AATF: variants seen among roughly 807,000 people sequenced by gnomAD.
The protein encoded by AATF is protein AATF.
Under a neutral mutation model 63.7 loss-of-function variants are expected in AATF, and 48 were observed. That is an observed-to-expected ratio of 0.75 (90% CI 0.60 to 0.96). AATF has a LOEUF of 0.96. Ranked by LOEUF, AATF falls within the 40% of genes least tolerant of loss-of-function variation. The pLI is 0.00. For synonymous variants in AATF, 258 were observed against 247.7 expected (o/e 1.04, Z -0.39); for missense variants, 639 against 685.7 (o/e 0.93, Z 0.76).
At chr17:36,983,048 A>G (rs2071139334) in intron 4 of AATF, among the ~76,000 whole-genome samples, 1 of 151,778 alleles carries the variant, frequency 6.6e-6, no homozygotes, top group Admixed American at 6.6e-5. Context: ...ATTTTTAAAA[A>G]TTTTATTGTT....
chr17:36,957,685 A>G (rs2070913056), intron 4 of AATF, among the ~76,000 whole-genome samples: 1 of 152,012 alleles, frequency 6.6e-6, no homozygotes, highest in South Asian at 2.1e-4. Flanking sequence ...GGGTTCTCCT[A>G]CCTTTCTGAT....
At chr17:36,990,961 C>G (rs1033031036) in intron 8 of AATF, 104 bp downstream of exon 8, 4 of 778,950 alleles carry the variant, frequency 5.1e-6, no homozygotes, top group Non-Finnish European at 6.0e-6. Context: ...AGGATAGAGT[C>G]AGACAGTGAG....
chr17:37,018,925 C>A, intron 8 of AATF, 80 bp from the exon 9 acceptor site: 1 of 1,172,090 alleles, frequency 8.5e-7, no homozygotes, highest in Non-Finnish European at 1.3e-6. Context: ...CTATGCCATT[C>A]AGAATTCCTT....
At position 37,047,467 on chromosome 17, in the gene AATF, C is replaced by T. The variant is rs1216261114; in HGVS notation, c.1620-9134C>T. ...CACAAGTGAGAAGAAAACCTGTCCACGTGCAGTCCCCTTCTCGCCCCCATC... is the reference window on the plus strand; with the variant it reads ...CACAAGTGAGAAGAAAACCTGTCCATGTGCAGTCCCCTTCTCGCCCCCATC... On this transcript the variant is annotated intron_variant, in intron 11 of 11. Transcript: ENST00000619387. 4.6e-5 allele frequency among the ~76,000 whole-genome samples: 7 copies of T among 152,196 alleles called. No homozygotes were observed. In the South Asian group the frequency reaches 8.3e-4, roughly 18 times the overall value.
intron 2 of AATF, 53 bp from the exon 3 acceptor site, chr17:36,952,833 T>G: frequency 1.3e-6 from 2 of 1,571,078 alleles, no homozygotes; most frequent in Non-Finnish European, 8.6e-7. Context: ...TATGGCTTGG[T>G]ATTTTCTCCA....
chr17:37,020,053 A>AGCT, intron 9 of AATF, among the ~76,000 whole-genome samples: 1 of 152,018 alleles, frequency 6.6e-6, no homozygotes, highest in East Asian at 1.9e-4. Context: ...TAGGATGACT[A>AGCT]GCTGCTGCTG....
intron 11 of AATF, among the ~76,000 whole-genome samples, chr17:37,039,693 G>C (rs539303807): frequency 6.6e-6 from 1 of 152,320 alleles, no homozygotes; most frequent in South Asian, 2.1e-4. Flanking sequence ...TCTTTCGCCA[G>C]TAATGTCAGA....
intron 10 of AATF, among the ~76,000 whole-genome samples, chr17:37,029,934 C>A (rs1290276518): frequency 6.6e-6 from 1 of 152,122 alleles, no homozygotes; most frequent in African/African-American, 2.4e-5. Context: ...AACTCCTGGG[C>A]TCAGGTGATC....
intron 8 of AATF, among the ~76,000 whole-genome samples, chr17:37,000,843 A>C (rs972369051): frequency 3.9e-5 from 6 of 152,160 alleles, no homozygotes; most frequent in African/African-American, 1.4e-4. Flanking sequence ...CATGTAAAGA[A>C]AGTGTTTCAA....
At chr17:37,001,348 G>A (rs1377496475) in intron 8 of AATF, among the ~76,000 whole-genome samples, 8 of 144,588 alleles carry the variant, frequency 5.5e-5, no homozygotes, top group Admixed American at 4.9e-4. Context: ...AGAGAGGGAG[G>A]GAGGAAGGAG....
intron 8 of AATF, among the ~76,000 whole-genome samples, chr17:37,011,295 A>C (rs773985442): frequency 1.1e-4 from 16 of 152,316 alleles, no homozygotes; most frequent in Admixed American, 5.9e-4. Context: ...GAATTGCTTG[A>C]AACCGGGAGG....
chr17:36,950,521 C>T, intron 2 of AATF, 116 bp downstream of exon 2: 1 of 1,086,050 alleles, frequency 9.2e-7, no homozygotes. Flanking sequence ...TTTTTTGAGA[C>T]AGAGTTTGGC....
intron 10 of AATF, among the ~76,000 whole-genome samples, chr17:37,031,079 T>A (rs1446655830): frequency 1.3e-5 from 2 of 152,110 alleles, no homozygotes; most frequent in African/African-American, 4.8e-5. Flanking sequence ...TCCTGTAGCA[T>A]TAGGGAAAAA....
intron 1 of AATF, 131 bp downstream of exon 1, chr17:36,949,347 C>A: frequency 2.3e-6 from 2 of 868,004 alleles, no homozygotes; most frequent in Non-Finnish European, 3.4e-6. Flanking sequence ...AGGAACGTCG[C>A]CTCCCGCGAG....
chr17:37,017,379 A>G (rs938070487), intron 8 of AATF, among the ~76,000 whole-genome samples: 3 of 150,942 alleles, frequency 2.0e-5, no homozygotes, highest in African/African-American at 7.3e-5. Flanking sequence ...CTTGCTTTTG[A>G]CAGAATATTG....
In AATF at chr17:36,990,762, T is replaced by C. The variant is rs775321208; in HGVS notation, c.1315-12T>C. On this transcript the variant is annotated splice_polypyrimidine_tract_variant and intron_variant, in intron 7 of 11. Coordinates refer to ENST00000619387, the MANE Select transcript of AATF (RefSeq NM_012138.4). ...TTGGGATTCACTCTTTTCTTACTCA[T>C]TGTTAACATAGGAGATCCTTCCTCA... The C allele has an allele frequency of 6.4e-7, 1 of 1,562,466 alleles. No individual in the cohort carries two copies. The highest frequency in any genetic ancestry group is 8.7e-7 in the Non-Finnish European group (1 of 1,148,694).
At chr17:37,048,923 T>C (rs1164704527) in intron 11 of AATF, among the ~76,000 whole-genome samples, 1 of 152,178 alleles carries the variant, frequency 6.6e-6, no homozygotes, top group Non-Finnish European at 1.5e-5. Flanking sequence ...TGCCATTTAG[T>C]CCCTCGTGTT....
chr17:37,025,126 G>A (rs1263025727), intron 10 of AATF, among the ~76,000 whole-genome samples: 2 of 152,178 alleles, frequency 1.3e-5, no homozygotes, highest in Non-Finnish European at 2.9e-5. Context: ...GAGAAGGTTG[G>A]AATGACTCCC....
chr17:36,986,236 C>T (rs1457725301), intron 4 of AATF, among the ~76,000 whole-genome samples: 1 of 152,176 alleles, frequency 6.6e-6, no homozygotes, highest in Non-Finnish European at 1.5e-5. Context: ...AGGAGGTCAG[C>T]AGGTAACCTG....
Sources: gnomAD v4.1 joint callset for allele counts (sites outside exome capture counted in the v4.1 genomes callset) on GRCh38, gnomAD v4.1.1 for gene constraint, MANE v1.5 for transcripts, NCBI Gene and HGNC (gene_info 2026-07-23, HGNC 2026-07-21) for gene names.